ZKSCAN7: variants seen among roughly 807,000 people sequenced by gnomAD.
ZKSCAN7 encodes the protein zinc finger with KRAB and SCAN domains 7.
In ZKSCAN7, 38 loss-of-function variants were observed where a neutral mutation model predicts 65.3. The observed-to-expected ratio is 0.58, with a 90% CI of 0.45 to 0.76. ZKSCAN7 has a LOEUF of 0.76. Ranked by LOEUF, ZKSCAN7 falls within the 30% of genes least tolerant of loss-of-function variation. ZKSCAN7 has a pLI of 0.00. For synonymous variants in ZKSCAN7, 321 were observed against 321.0 expected, an observed-to-expected ratio of 1.00 and a Z score of 0.00; for missense variants, 815 against 913.3, an observed-to-expected ratio of 0.89 and a Z score of 1.39.
chr3:44,558,806 G>A (rs62242340), intron 2 of ZKSCAN7, among the ~76,000 whole-genome samples: 2 of 58,376 alleles, frequency 3.4e-5, no homozygotes, highest in Admixed American at 3.6e-4. Context: ...TTTTTTTTGG[G>A]TCTTGCTCTG....
intron 5 of ZKSCAN7, among the ~76,000 whole-genome samples, chr3:44,579,782 T>G (rs1308164304): frequency 6.6e-6 from 1 of 152,218 alleles, no homozygotes; most frequent in Non-Finnish European, 1.5e-5. Context: ...TGAATCCCTG[T>G]AGTATCTCAG....
chr3:44,572,743 G>A (rs994065455), downstream of ZKSCAN7, among the ~76,000 whole-genome samples: 3 of 150,958 alleles, frequency 2.0e-5, no homozygotes, highest in South Asian at 2.1e-4. Flanking sequence ...CCAGCTATTC[G>A]GGAGGCTGAG....
At chr3:44,565,342 C>A in intron 2 of ZKSCAN7, 145 bp from the exon 3 acceptor site, 1 of 719,694 alleles carries the variant, frequency 1.4e-6, no homozygotes, top group Non-Finnish European at 2.1e-6. Flanking sequence ...TTTTTTTCCC[C>A]CAGTAGACTG....
intron 3 of ZKSCAN7, among the ~76,000 whole-genome samples, chr3:44,566,777 C>A (rs541051206): frequency 7.2e-5 from 11 of 151,780 alleles, no homozygotes; most frequent in Admixed American, 6.6e-4. Flanking sequence ...GAACTACAGG[C>A]ATGCCACCAT....
intron 5 of ZKSCAN7, chr3:44,580,227 A>G: frequency 6.2e-7 from 1 of 1,611,876 alleles, no homozygotes; most frequent in Non-Finnish European, 8.5e-7. Context: ...GGTCTTCTCC[A>G]GAGAGAAGTA....
rs111337997 is a variant in ZKSCAN7, at chr3:44,578,582, C to T, written c.812-4390C>T. Among the ~76,000 whole-genome samples the T allele has an allele frequency of 2.5e-3, 374 of 152,320 alleles. 3 individuals carry two copies. Among genetic ancestry groups the T allele is most frequent in the African/African-American group, 8.6e-3 (359 of 41,568 alleles). On this transcript the variant is annotated intron_variant, in intron 5 of 5. Transcript: ENST00000341840. ...CTGCTCCGAGAGGACCTCCAGTTCCCGCTGCACCGACTGCAGCTCCTCCAG... is the reference window on the plus strand; with the variant it reads ...CTGCTCCGAGAGGACCTCCAGTTCCTGCTGCACCGACTGCAGCTCCTCCAG...
chr3:44,570,836 G>A lies in ZKSCAN7; in HGVS notation c.1726G>A (p.Glu576Lys), dbSNP rs1302797058. The change falls in exon 6 of 6, where the codon GAA becomes AAA. Residue 576 changes from glutamate to lysine, a missense_variant. Glu to Lys is a moderately conservative substitution (Grantham distance 56). Transcript: ENST00000426540. ...TCGACATCAGAGCCTCCATACTGGG[G>A]AAAAGCCATACAAATGTAGTGAATG... ...LIRHQSLHTGEKPYKCSECGK... is the reference protein window; with the variant it reads ...LIRHQSLHTGKKPYKCSECGK... 3.1e-6 allele frequency: 5 copies of A among 1,614,086 alleles called. No homozygotes were observed. Among genetic ancestry groups the A allele is most frequent in the Non-Finnish European group, 4.2e-6 (5 of 1,180,048 alleles).
chr3:44,571,617 T>G lies in ZKSCAN7; in HGVS notation c.*242T>G, dbSNP rs767293807. ...TCCTTTTTTTTTCTTTACTTTTAAA[T>G]TTTAACTTTTAAAATCTATTTCATT... On this transcript the variant is annotated 3_prime_UTR_variant, in exon 6 of 6. Transcript: ENST00000426540. 15 of 1,343,610 alleles carry G rather than the reference T, an allele frequency of 1.1e-5. No homozygotes were observed. Among genetic ancestry groups the G allele is most frequent in the Middle Eastern group, 2.8e-4 (1 of 3,624 alleles). 83.2% of individuals were successfully genotyped at this position (1,343,610 alleles called of 1,614,324 possible).
At chr3:44,555,525 C>A (rs945600158) in intron 1 of ZKSCAN7, 44 bp downstream of exon 1, 4 of 152,240 alleles carry the variant, frequency 2.6e-5, no homozygotes, top group Non-Finnish European at 4.4e-5. Flanking sequence ...AAAGGTAGAT[C>A]GCTGTTTTCC....
At chr3:44,582,378 G>T (rs1700106644) in intron 5 of ZKSCAN7, among the ~76,000 whole-genome samples, 1 of 152,206 alleles carries the variant, frequency 6.6e-6, no homozygotes, top group Admixed American at 6.5e-5. Context: ...TTCCTGAAAT[G>T]ATGCCTGGTT....
At chr3:44,582,206 A>C (rs1331297061) in intron 5 of ZKSCAN7, among the ~76,000 whole-genome samples, 1 of 152,196 alleles carries the variant, frequency 6.6e-6, no homozygotes, top group Non-Finnish European at 1.5e-5. Flanking sequence ...ATTATTCACC[A>C]AATCATAACA....
Position 44,571,427 on chromosome 3 carries a change from A to G in ZKSCAN7, c.*52A>G, listed in dbSNP as rs374639704. ...ACGACCTTTGAGTTAAGCTGTCTTT[A>G]TAAGCAGGATGCTCATAGTGGTTTC... On this transcript the variant is annotated 3_prime_UTR_variant, in exon 6 of 6. Transcript: ENST00000426540. 8.1e-4 allele frequency: 1,293 copies of G among 1,605,896 alleles called. 3 individuals are homozygous for G. Among genetic ancestry groups the G allele is most frequent in the Non-Finnish European group, 1.0e-3 (1,229 of 1,179,960 alleles).
chr3:44,573,843 T>G (rs1699873590), downstream of ZKSCAN7, among the ~76,000 whole-genome samples: 1 of 152,140 alleles, frequency 6.6e-6, no homozygotes, highest in South Asian at 2.1e-4. Context: ...TATTCATAAC[T>G]AAGGTGGGAA....
Position 44,570,044 on chromosome 3 carries a change from G to C in ZKSCAN7, c.934G>C (p.Gly312Arg), listed in dbSNP as rs776539851. The C allele has an allele frequency of 1.9e-6, 3 of 1,613,944 alleles. No homozygotes were observed. The highest frequency in any genetic ancestry group is 2.5e-6 in the Non-Finnish European group (3 of 1,179,968). ...GGTGGTTCCTGGGGCAGCAGAGACT[G>C]GAGATGTTTGTGAAGATACTTTCAA... ...FGVVPGAAETGDVCEDTFKEL... is the reference protein window; with the variant it reads ...FGVVPGAAETRDVCEDTFKEL... Residue 312 changes from glycine (G) to arginine (R), a missense_variant, in exon 6 of 6, where the codon GGA becomes CGA. This residue lies in a region of ZKSCAN7 where 578 missense variants were observed against 629.5 expected (regional missense o/e 0.92). Transcript: ENST00000426540.
At chr3:44,578,232 T>A (rs914303081) in intron 5 of ZKSCAN7, 2 of 1,541,278 alleles carry the variant, frequency 1.3e-6, no homozygotes, top group African/African-American at 2.7e-5. Context: ...CTTGCGTACT[T>A]CTTGTCCCAC....
intron 2 of ZKSCAN7, among the ~76,000 whole-genome samples, chr3:44,558,725 C>T (rs547378544): frequency 5.1e-4 from 76 of 149,116 alleles, no homozygotes; most frequent in African/African-American, 1.6e-3. Context: ...CCTCCTCCTC[C>T]TCCTTTTATT....
At chr3:44,569,610 A>G (rs1205744921) in intron 5 of ZKSCAN7, among the ~76,000 whole-genome samples, 1 of 152,166 alleles carries the variant, frequency 6.6e-6, no homozygotes, top group Non-Finnish European at 1.5e-5. Context: ...GCACGAGAGT[A>G]ACTTCTGTAA....
At chr3:44,575,960 G>GT (rs988710047), downstream of ZKSCAN7, among the ~76,000 whole-genome samples, 4 of 151,984 alleles carry the variant, frequency 2.6e-5, no homozygotes, top group Admixed American at 2.0e-4. Flanking sequence ...GAATTTGGAA[G>GT]TTTTTTTTCT....
rs780212545 is a variant in ZKSCAN7, at chr3:44,565,702, C to T, written c.592+47C>T. 10 of 1,484,336 alleles carry T rather than the reference C, an allele frequency of 6.7e-6. No homozygotes were observed. In the South Asian group the frequency reaches 1.3e-4, roughly 19 times the overall value. The allele number at this position is 1,484,336 out of a possible 1,614,324, so 91.9% of individuals were successfully genotyped here. On this transcript the variant is annotated intron_variant, in intron 3 of 5. Coordinates refer to ENST00000426540, the MANE Select transcript of ZKSCAN7 (RefSeq NM_001288590.2). ...GCCTTAAGTCATGCCTCCCTTCTCT[C>T]CTCTGGAGTCTCCTTTCCTTTATCT...
Sources: allele counts gnomAD v4.1 joint callset (sites outside exome capture counted in the v4.1 genomes callset), GRCh38; gene constraint gnomAD v4.1.1; regional missense constraint gnomAD v4.1.1; transcripts MANE v1.5; gene names NCBI Gene and HGNC (gene_info 2026-07-23, HGNC 2026-07-21).